The following CLMN variants were observed in gnomAD, a reference collection of about 807,000 sequenced individuals.
The protein encoded by CLMN is calmin (calponin-like, transmembrane).
CLMN carries 57 observed loss-of-function variants against 92.7 expected under a neutral mutation model. That is an observed-to-expected ratio of 0.61 (90% CI 0.50 to 0.77). The LOEUF (loss-of-function observed/expected upper bound fraction) is 0.77, where lower values mean the gene tolerates loss of function less well. Ranked by LOEUF, CLMN falls within the 30% of genes least tolerant of loss-of-function variation. The pLI is 0.00. For synonymous variants in CLMN, 466 were observed against 470.6 expected (o/e 0.99, Z 0.13); for missense variants, 1,158 against 1,237.5 (o/e 0.94, Z 0.96).
rs1896385324 is a variant in CLMN, at chr14:95,184,036, G to A, written c.*7528C>T. 1 of 152,182 alleles carries A rather than the reference G, an allele frequency of 6.6e-6. No individual in the cohort carries two copies. Among genetic ancestry groups the A allele is most frequent in the South Asian group, 2.1e-4 (1 of 4,822 alleles). The allele number at this position is 152,182 out of a possible 1,614,324, so 9.4% of individuals were successfully genotyped here. On this transcript the variant is annotated 3_prime_UTR_variant, in exon 13 of 13. Coordinates refer to ENST00000298912, the MANE Select transcript of CLMN (RefSeq NM_024734.4). ...GTTGGAAGAAGCTATGGTACACTAA[G>A]GGTTAGGGAAAGAGGTATAGTCAAC...
intron 1 of CLMN, among the ~76,000 whole-genome samples, chr14:95,258,063 G>A (rs1305027209): frequency 2.0e-5 from 3 of 151,892 alleles, no homozygotes; most frequent in South Asian, 2.1e-4. Context: ...GGTGGTATGC[G>A]TGAGGTGTGT....
At chr14:95,202,225 T>G (rs1395431748) in intron 9 of CLMN, among the ~76,000 whole-genome samples, 1 of 152,218 alleles carries the variant, frequency 6.6e-6, no homozygotes, top group Non-Finnish European at 1.5e-5. Flanking sequence ...TTCCTACTTC[T>G]CCACAGCCTC....
At chr14:95,311,265 A>G (rs987327133) in intron 1 of CLMN, among the ~76,000 whole-genome samples, 1 of 152,100 alleles carries the variant, frequency 6.6e-6, no homozygotes, top group Non-Finnish European at 1.5e-5. Flanking sequence ...CACTGCTTTT[A>G]AGTATGTCAT....
chr14:95,194,167 C>T lies in CLMN; in HGVS notation c.2770-248G>A, dbSNP rs1896634352. ...GAACCCGGATTGGGGTGTGCTGCTC[C>T]GGGTTCTAACACATCTGCTACTGAG... On this transcript the variant is annotated intron_variant, in intron 11 of 12. Transcript: ENST00000298912. This position sits in a 1 kb window ranked among gnomAD's most constrained non-coding sequence, Gnocchi z 4.0. 1.8e-5 allele frequency: 25 copies of T among 1,404,124 alleles called. No individual in the cohort carries two copies. Among genetic ancestry groups the T allele is most frequent in the Admixed American group, 3.1e-5 (1 of 32,290 alleles). 87.0% of individuals were successfully genotyped at this position (1,404,124 alleles called of 1,614,324 possible).
intron 3 of CLMN, chr14:95,222,363 T>G (rs1897572752): frequency 3.4e-6 from 1 of 291,850 alleles, no homozygotes; most frequent in Admixed American, 4.5e-5. Context: ...TCTGACAAGG[T>G]TAGCTCTACA....
intron 1 of CLMN, among the ~76,000 whole-genome samples, chr14:95,244,329 T>C (rs1327226222): frequency 2.6e-5 from 4 of 152,182 alleles, no homozygotes; most frequent in East Asian, 1.9e-4. Context: ...TGTTCCACAG[T>C]TGGGCAGCTC....
At chr14:95,192,027 G>C in intron 12 of CLMN, 1 of 275,652 alleles carries the variant, frequency 3.6e-6, no homozygotes. Flanking sequence ...TCGGGGTGGA[G>C]TGACTTGCCC....
chr14:95,293,202 T>TCCTTCCCTCCC (rs1900652341), intron 1 of CLMN, among the ~76,000 whole-genome samples: 8 of 80,640 alleles, frequency 9.9e-5, no homozygotes, highest in African/African-American at 2.2e-4. Context: ...TTTCCCCCCC[T>TCCTTCCCTCCC]TCCTTCCCTC....
intron 1 of CLMN, among the ~76,000 whole-genome samples, chr14:95,245,537 T>A (rs968104154): frequency 1.3e-5 from 2 of 148,914 alleles, no homozygotes; most frequent in African/African-American, 5.0e-5. Flanking sequence ...GATAGGTAGA[T>A]GGATGAATGG....
At chr14:95,245,215 T>TATATATATTAG (rs1898458940) in intron 1 of CLMN, among the ~76,000 whole-genome samples, 1 of 35,416 alleles carries the variant, frequency 2.8e-5, no homozygotes, top group Non-Finnish European at 4.4e-5. Context: ...ATATTATATA[T>TATATATATTAG]ATATATATAT....
At position 95,189,856 on chromosome 14, in the gene CLMN, G is replaced by C. The variant is rs1168612927; in HGVS notation, c.*1708C>G. 1.3e-5 allele frequency: 2 copies of C among 152,214 alleles called. No homozygotes were observed. Among genetic ancestry groups the C allele is most frequent in the Non-Finnish European group, 2.9e-5 (2 of 68,042 alleles). The allele number at this position is 152,214 out of a possible 1,614,324, so 9.4% of individuals were successfully genotyped here. ...GGTTGGAAGGCTGAAATTCTTTCAG[G>C]AGGGGAGACAGACTATAATCAGACT... On this transcript the variant is annotated 3_prime_UTR_variant, in exon 13 of 13. Coordinates refer to ENST00000298912, the MANE Select transcript of CLMN (RefSeq NM_024734.4).
At chr14:95,221,614 C>G in intron 4 of CLMN, 77 bp downstream of exon 4, 2 of 1,281,714 alleles carry the variant, frequency 1.6e-6, no homozygotes, top group Non-Finnish European at 2.2e-6. Context: ...TCTCTTGCGA[C>G]CAGCACTGAA....
chr14:95,246,055 C>A (rs116288232), intron 1 of CLMN, among the ~76,000 whole-genome samples: 18 of 152,314 alleles, frequency 1.2e-4, no homozygotes, highest in African/African-American at 4.3e-4. Flanking sequence ...GATGTTGTGA[C>A]ATCTGGGACT....
intron 4 of CLMN, among the ~76,000 whole-genome samples, chr14:95,219,584 C>T (rs1307667250): frequency 1.3e-5 from 2 of 152,182 alleles, no homozygotes; most frequent in Admixed American, 6.5e-5. Context: ...TTGTTTTTCT[C>T]TCCTCCATTT....
In CLMN at chr14:95,194,981, ACTCT is replaced by A. The variant is rs1181057643; in HGVS notation, c.2709-389_2709-386del. Among the ~76,000 whole-genome samples, 2 of 152,010 alleles carry A rather than the reference ACTCT, an allele frequency of 1.3e-5. No individual in the cohort carries two copies. Among genetic ancestry groups the A allele is most frequent in the African/African-American group, 2.4e-5 (1 of 41,376 alleles). On this transcript the variant is annotated intron_variant, in intron 10 of 12. Coordinates refer to ENST00000298912, the MANE Select transcript of CLMN (RefSeq NM_024734.4). The surrounding 1 kb of genome is among the most constrained non-coding windows in gnomAD (Gnocchi z 4.0). ...CCTGGGCCTAGACCAGGCTGCCCTGACTCTCTCTACCTGCGTCTGAGGTCCAAAA... is the reference window on the plus strand; with the variant it reads ...CCTGGGCCTAGACCAGGCTGCCCTGACTCTACCTGCGTCTGAGGTCCAAAA...
chr14:95,296,463 C>T (rs1004654109), intron 1 of CLMN, among the ~76,000 whole-genome samples: 1 of 152,256 alleles, frequency 6.6e-6, no homozygotes, highest in Middle Eastern at 3.2e-3. Flanking sequence ...TCCACAGAAT[C>T]AGAACCTCTT....
intron 5 of CLMN, 49 bp downstream of exon 5, chr14:95,215,592 A>G (rs1470633034): frequency 6.6e-7 from 1 of 1,524,742 alleles, no homozygotes; most frequent in African/African-American, 1.4e-5. Flanking sequence ...GTGGCTGCTC[A>G]GCAGACACAA....
At chr14:95,290,095 T>C (rs1412772455) in intron 1 of CLMN, among the ~76,000 whole-genome samples, 1 of 152,232 alleles carries the variant, frequency 6.6e-6, no homozygotes, top group East Asian at 1.9e-4. Flanking sequence ...AATCCTCACA[T>C]GAAAGACAAA....
chr14:95,266,854 A>G (rs191095216), intron 1 of CLMN, among the ~76,000 whole-genome samples: 1 of 152,330 alleles, frequency 6.6e-6, no homozygotes, highest in East Asian at 1.9e-4. Context: ...ACAAAGACCA[A>G]TGAAACAGAA....
Sources: gnomAD v4.1 joint callset for allele counts (sites outside exome capture counted in the v4.1 genomes callset) on GRCh38, gnomAD v4.1.1 for gene constraint, Gnocchi (gnomAD v3.1) non-coding constraint, MANE v1.5 for transcripts, NCBI Gene and HGNC (gene_info 2026-07-23, HGNC 2026-07-21) for gene names.